RIMKLA: variants seen among roughly 807,000 people sequenced by gnomAD.
The protein encoded by RIMKLA is N-acetylaspartylglutamate synthase A.
A neutral mutation model predicts 32.7 loss-of-function variants in RIMKLA; 14 were observed. That is an observed-to-expected ratio of 0.43 (90% CI 0.28 to 0.67). RIMKLA has a LOEUF of 0.67. Ranked by LOEUF, RIMKLA falls within the 30% of genes least tolerant of loss-of-function variation. The pLI is 0.18. For missense variants in RIMKLA, 410 were observed against 519.0 expected, an observed-to-expected ratio of 0.79 and a Z score of 2.04; for synonymous variants, 176 against 204.1, an observed-to-expected ratio of 0.86 and a Z score of 1.18.
intron 3 of RIMKLA, among the ~76,000 whole-genome samples, chr1:42,407,417 CTTACAT>C (rs1643157028): frequency 1.3e-5 from 2 of 152,090 alleles, no homozygotes; most frequent in Non-Finnish European, 2.9e-5. Flanking sequence ...GCCACACAGA[CTTACAT>C]TTATGTTGCC....
At chr1:42,392,246 C>T (rs1282488027) in intron 1 of RIMKLA, among the ~76,000 whole-genome samples, 1 of 152,210 alleles carries the variant, frequency 6.6e-6, no homozygotes, top group Admixed American at 6.5e-5. Context: ...TCCTCCTTTG[C>T]TCTCCCTGGA....
At position 42,385,753 on chromosome 1, in the gene RIMKLA, TTC is replaced by T. The variant is rs1272026291; in HGVS notation, c.163+4658_163+4659del. Among the ~76,000 whole-genome samples the T allele has an allele frequency of 1.7e-4, 21 of 124,798 alleles. 1 individual carries two copies. In the South Asian group the frequency reaches 4.1e-3, roughly 25 times the overall value. 81.9% of individuals were successfully genotyped at this position (124,798 alleles called of 152,430 possible). On this transcript the variant is annotated intron_variant, in intron 1 of 4. Coordinates refer to ENST00000431473, the MANE Select transcript of RIMKLA (RefSeq NM_173642.4). ...TTTCTTTCTTTCTTTCTTTCTTTCTTTCTTTCTTTCTTTCTTTGTTTCTTTGT... is the reference window on the plus strand; with the variant it reads ...TTTCTTTCTTTCTTTCTTTCTTTCTTTTTCTTTCTTTCTTTGTTTCTTTGT...
intron 3 of RIMKLA, among the ~76,000 whole-genome samples, chr1:42,406,913 ATAATG>A (rs1294541526): frequency 6.6e-6 from 1 of 151,098 alleles, no homozygotes; most frequent in East Asian, 1.9e-4. Context: ...GGGTTCTTGT[ATAATG>A]TAGATTCTTT....
intron 4 of RIMKLA, among the ~76,000 whole-genome samples, chr1:42,411,961 C>T (rs9662992): frequency 0.41 from 61,783 of 151,984 alleles, 13,128 homozygotes; most frequent in Middle Eastern, 0.55. Flanking sequence ...TCAGCCACCA[C>T]GCCCAGCCCA....
chr1:42,397,350 T>C (rs2494372), intron 1 of RIMKLA, among the ~76,000 whole-genome samples: 86 of 152,202 alleles, frequency 5.7e-4, no homozygotes, highest in Non-Finnish European at 1.1e-3. Flanking sequence ...AATTATGTGG[T>C]TATGCAGTAT....
rs113242727 is a variant in RIMKLA, at chr1:42,414,557, C to T, written c.759C>T (p.Gly253=). The T allele has an allele frequency of 9.2e-4, 1,483 of 1,614,200 alleles. 6 individuals are homozygous for T. In the African/African-American group the frequency reaches 0.017, roughly 18 times the overall value. Residue 253 remains glycine, a synonymous_variant, in exon 5 of 5, where the codon GGC becomes GGT. Coordinates refer to ENST00000431473, the MANE Select transcript of RIMKLA (RefSeq NM_173642.4). ...QLAIQVSNIL[G]MDFCGIDLLI... is the part of the protein sequence containing the mutation. ...CTATTCAGGTGTCCAACATCCTAGG[C>T]ATGGACTTCTGTGGCATTGATCTCC...
At chr1:42,389,365 T>G (rs1642977000) in intron 1 of RIMKLA, among the ~76,000 whole-genome samples, 1 of 152,100 alleles carries the variant, frequency 6.6e-6, no homozygotes, top group Non-Finnish European at 1.5e-5. Flanking sequence ...GGTTCAGAGA[T>G]TGAGCTCCAG....
intron 1 of RIMKLA, 66 bp downstream of exon 1, chr1:42,381,163 G>T (rs934595947): frequency 8.4e-7 from 1 of 1,197,066 alleles, no homozygotes; most frequent in Non-Finnish European, 1.1e-6. Context: ...GGTCGGGTGG[G>T]CGCGCTCGCC....
chr1:42,384,579 ATATG>A (rs1167949705), intron 1 of RIMKLA, among the ~76,000 whole-genome samples: 3 of 144,410 alleles, frequency 2.1e-5, no homozygotes, highest in Non-Finnish European at 4.5e-5. Context: ...ATATGTGTAT[ATATG>A]TGTGTATATA....
intron 1 of RIMKLA, among the ~76,000 whole-genome samples, chr1:42,383,238 G>T (rs1642905074): frequency 6.6e-6 from 1 of 152,112 alleles, no homozygotes; most frequent in African/African-American, 2.4e-5. Flanking sequence ...GGTCGATGGA[G>T]AAATTGAAGA....
intron 1 of RIMKLA, among the ~76,000 whole-genome samples, chr1:42,384,835 C>T (rs1319529266): frequency 4.6e-5 from 7 of 152,056 alleles, no homozygotes; most frequent in African/African-American, 1.2e-4. Flanking sequence ...ACTGATTTCA[C>T]CATGCTTCTC....
At chr1:42,409,394 ATGTC>A (rs1643178341) in intron 3 of RIMKLA, among the ~76,000 whole-genome samples, 1 of 152,192 alleles carries the variant, frequency 6.6e-6, no homozygotes, top group South Asian at 2.1e-4. Context: ...AAAAGGAAGG[ATGTC>A]TGTCAGTGCT....
rs959392287 is a variant in RIMKLA at position 42,423,006 on chromosome 1, C to T, written c.*8032C>T. 1.3e-5 allele frequency among the ~76,000 whole-genome samples: 2 copies of T among 152,180 alleles called. No individual in the cohort carries two copies. The highest frequency in any genetic ancestry group is 4.8e-5 in the African/African-American group (2 of 41,438). The stretch of plus-strand genomic sequence containing the variant: ...AGAATCTGTGTACTCACCAGAAGAA[C>T]TCTGACAGGTCAGGCAGGGCCCTCA... On this transcript the variant is annotated 3_prime_UTR_variant, in exon 5 of 5. Coordinates refer to ENST00000431473, the MANE Select transcript of RIMKLA (RefSeq NM_173642.4).
At chr1:42,391,903 T>G (rs557300354) in intron 1 of RIMKLA, among the ~76,000 whole-genome samples, 10 of 152,264 alleles carry the variant, frequency 6.6e-5, no homozygotes, top group Non-Finnish European at 2.9e-5. Context: ...TTTTGTGTCT[T>G]GCCAAGCTAA....
rs34142209 is a variant in RIMKLA, at chr1:42,414,771, G to A, written c.973G>A (p.Glu325Lys). The A allele has an allele frequency of 0.012, 18,989 of 1,614,126 alleles. 130 individuals carry two copies. The highest frequency in any genetic ancestry group is 0.026 in the Middle Eastern group (159 of 6,062). Residue 325 changes from glutamate (E) to lysine (K), a missense_variant, in exon 5 of 5, where the codon GAG becomes AAG. Physicochemically the swap from Glu to Lys is moderately conservative, Grantham distance 56 (BLOSUM62 1). Coordinates refer to ENST00000431473, the MANE Select transcript of RIMKLA (RefSeq NM_173642.4). ...ACTGTCGAGTCCAAGGGAGAAGAAC[G>A]AGCCGGATGGCTGTGCTTCAGCTCA... is the stretch of plus-strand genomic sequence containing the variant. ...PGLSSPREKN[E>K]PDGCASAQGV... is the part of the protein sequence containing the mutation.
intron 1 of RIMKLA, among the ~76,000 whole-genome samples, chr1:42,398,440 TGTAAAG>T: frequency 6.6e-6 from 1 of 152,324 alleles, no homozygotes; most frequent in Non-Finnish European, 1.5e-5. Flanking sequence ...AGTTTTTTGT[TGTAAAG>T]GTAATAAGTA....
chr1:42,395,018 C>T (rs904144214), intron 1 of RIMKLA, among the ~76,000 whole-genome samples: 4 of 152,162 alleles, frequency 2.6e-5, no homozygotes, highest in Non-Finnish European at 5.9e-5. Context: ...GGATTACAGG[C>T]GAGAGCCACT....
rs1452358206 is a variant in RIMKLA at position 42,419,976 on chromosome 1, T to C, written c.*5002T>C. ...AAGAAATCCTGTTCGATGCACATGC[T>C]CCAGTTTCAATCAGCAACAAGGTCA... On this transcript the variant is annotated 3_prime_UTR_variant, in exon 5 of 5. Transcript: ENST00000431473. 1.3e-5 allele frequency: 2 copies of C among 152,226 alleles called. No homozygotes were observed. 9.4% of individuals were successfully genotyped at this position (152,226 alleles called of 1,614,324 possible). A position where few individuals can be genotyped will look rare whatever the true frequency, so the allele number is the denominator to read the frequency against.
In RIMKLA at chr1:42,419,828, A is replaced by G. The variant is rs1323040629; in HGVS notation, c.*4854A>G. 6.6e-6 allele frequency: 1 copy of G among 152,222 alleles called. No individual in the cohort carries two copies. The highest frequency in any genetic ancestry group is 1.5e-5 in the Non-Finnish European group (1 of 68,046). 9.4% of individuals were successfully genotyped at this position (152,222 alleles called of 1,614,324 possible). A position where few individuals can be genotyped will look rare whatever the true frequency, so the allele number is the denominator to read the frequency against. On this transcript the variant is annotated 3_prime_UTR_variant, in exon 5 of 5. Coordinates refer to ENST00000431473, the MANE Select transcript of RIMKLA (RefSeq NM_173642.4). ...TTCAGTGGTGGGATGTGAGGAAGAAAGCCCATGCCAAGCTAACTGAAAGCT... is the reference window on the plus strand; with the variant it reads ...TTCAGTGGTGGGATGTGAGGAAGAAGGCCCATGCCAAGCTAACTGAAAGCT...
Sources: allele counts gnomAD v4.1 joint callset (sites outside exome capture counted in the v4.1 genomes callset), GRCh38; gene constraint gnomAD v4.1.1; transcripts MANE v1.5; gene names NCBI Gene and HGNC (gene_info 2026-07-23, HGNC 2026-07-21).